SLC35F3: variants seen among roughly 807,000 people sequenced by gnomAD.
The protein encoded by SLC35F3 is solute carrier family 35 member F3, also known as putative thiamine transporter SLC35F3.
A neutral mutation model predicts 49.9 loss-of-function variants in SLC35F3; 25 were observed. That is an observed-to-expected ratio of 0.50 (90% CI 0.37 to 0.70). The LOEUF is 0.70. Ranked by LOEUF, SLC35F3 falls within the 30% of genes least tolerant of loss-of-function variation. The probability of loss-of-function intolerance (pLI) is 0.00; values close to 1 mark genes in which losing one functional copy is unlikely to be tolerated. For synonymous variants in SLC35F3, 275 were observed against 265.4 expected, an observed-to-expected ratio of 1.04 and a Z score of -0.35; for missense variants, 525 against 639.8, an observed-to-expected ratio of 0.82 and a Z score of 1.94.
intron 3 of SLC35F3, among the ~76,000 whole-genome samples, chr1:234,266,297 G>T (rs1000082166): frequency 6.6e-6 from 1 of 151,964 alleles, no homozygotes; most frequent in Admixed American, 6.5e-5. Context: ...ATGTAGAAAA[G>T]ACACAAATGG....
chr1:234,144,290 G>C (rs936808103), intron 2 of SLC35F3, among the ~76,000 whole-genome samples: 4 of 152,196 alleles, frequency 2.6e-5, no homozygotes, highest in Admixed American at 6.5e-5. Context: ...GCTGACTGCA[G>C]GGTGTCCTCA....
intron 3 of SLC35F3, among the ~76,000 whole-genome samples, chr1:234,265,346 G>GC (rs1553259548): frequency 6.6e-6 from 1 of 151,000 alleles, no homozygotes; most frequent in Non-Finnish European, 1.5e-5. Context: ...TTTTCTTTTT[G>GC]TTTTTTTGGT....
chr1:234,248,208 T>C (rs1163258858), intron 3 of SLC35F3, among the ~76,000 whole-genome samples: 1 of 151,978 alleles, frequency 6.6e-6, no homozygotes, highest in Non-Finnish European at 1.5e-5. Context: ...CATTGTTTGG[T>C]GGGTTGGTTG....
intron 2 of SLC35F3, among the ~76,000 whole-genome samples, chr1:234,195,800 G>A (rs184881338): frequency 4.6e-5 from 7 of 152,078 alleles, no homozygotes; most frequent in South Asian, 2.1e-4. Context: ...TCATGGGGGC[G>A]GTTTCCCCCA....
intron 2 of SLC35F3, among the ~76,000 whole-genome samples, chr1:233,907,555 A>G (rs1558174435): frequency 6.6e-6 from 1 of 152,202 alleles, no homozygotes; most frequent in Admixed American, 6.5e-5. Flanking sequence ...CACTCTCTCT[A>G]TTCCTGTGAG....
At chr1:234,042,216 A>G (rs1310468053) in intron 2 of SLC35F3, among the ~76,000 whole-genome samples, 1 of 152,204 alleles carries the variant, frequency 6.6e-6, no homozygotes, top group East Asian at 1.9e-4. Context: ...TGGACCTTCC[A>G]TGTGGATCAT....
intron 2 of SLC35F3, among the ~76,000 whole-genome samples, chr1:234,140,001 A>AAATAAAATAAAAAAAAT (rs1489476462): frequency 3.5e-5 from 5 of 142,218 alleles, no homozygotes; most frequent in African/African-American, 1.3e-4. Flanking sequence ...AAATAAAATA[A>AAATAAAATAAAAAAAAT]AGTAAGTGAC....
At chr1:233,959,478 A>G (rs192843390) in intron 2 of SLC35F3, among the ~76,000 whole-genome samples, 4 of 152,326 alleles carry the variant, frequency 2.6e-5, no homozygotes, top group Admixed American at 2.6e-4. Flanking sequence ...GAGGGTTAGC[A>G]GCAAACAATA....
At chr1:233,939,429 T>C (rs964036127) in intron 2 of SLC35F3, among the ~76,000 whole-genome samples, 3 of 152,206 alleles carry the variant, frequency 2.0e-5, no homozygotes, top group African/African-American at 7.2e-5. Context: ...CACTCCAGCC[T>C]GGGTGACAGA....
At chr1:233,942,272 T>G (rs1662439468) in intron 2 of SLC35F3, among the ~76,000 whole-genome samples, 1 of 151,828 alleles carries the variant, frequency 6.6e-6, no homozygotes, top group Non-Finnish European at 1.5e-5. Context: ...ACAGCCTCTT[T>G]TAAAGAAAGA....
At chr1:234,278,212 C>G (rs952566852) in intron 3 of SLC35F3, among the ~76,000 whole-genome samples, 1 of 151,312 alleles carries the variant, frequency 6.6e-6, no homozygotes, top group Non-Finnish European at 1.5e-5. Context: ...ATAAAAGGGC[C>G]GGGTGCGGTG....
chr1:234,212,057 A>G (rs929594706), intron 2 of SLC35F3, among the ~76,000 whole-genome samples: 3 of 151,916 alleles, frequency 2.0e-5, no homozygotes, highest in Admixed American at 6.5e-5. Flanking sequence ...CTGCACAAGC[A>G]CTCTCTTTGC....
chr1:234,124,919 C>T (rs1031444557), intron 2 of SLC35F3, among the ~76,000 whole-genome samples: 13 of 152,204 alleles, frequency 8.5e-5, no homozygotes, highest in African/African-American at 3.1e-4. Flanking sequence ...TATGTGTACA[C>T]GCATGTGTCC....
chr1:234,224,215 C>T (rs10910386), intron 2 of SLC35F3, among the ~76,000 whole-genome samples: 25,557 of 152,132 alleles, frequency 0.17, 3,880 homozygotes, highest in East Asian at 0.8. Flanking sequence ...TAGGCAAGCA[C>T]CACCATGCGC....
At position 234,289,408 on chromosome 1, in the gene SLC35F3, G is replaced by C. The variant is rs547517723; in HGVS notation, c.609-19693G>C. On this transcript the variant is annotated intron_variant, in intron 3 of 7. Coordinates refer to ENST00000366618, the MANE Select transcript of SLC35F3 (RefSeq NM_173508.4). The stretch of plus-strand genomic sequence containing the variant: ...CTACTAGAATTAACTACATATCCTG[G>C]GGCTGGGTTAAGTCTGTAGGCCTCC... Among the ~76,000 whole-genome samples, 4 of 152,266 alleles carry C rather than the reference G, an allele frequency of 2.6e-5. No homozygotes were observed. In the South Asian group the frequency reaches 8.3e-4, roughly 32 times the overall value.
intron 2 of SLC35F3, among the ~76,000 whole-genome samples, chr1:234,141,812 A>T (rs766210109): frequency 6.6e-6 from 1 of 151,634 alleles, no homozygotes; most frequent in Middle Eastern, 3.4e-3. Flanking sequence ...CTCCTTCTGT[A>T]TGCCCTTAGC....
At chr1:234,126,901 TGCTTAA>T (rs1419456507) in intron 2 of SLC35F3, among the ~76,000 whole-genome samples, 3 of 152,228 alleles carry the variant, frequency 2.0e-5, no homozygotes, top group African/African-American at 7.2e-5. Context: ...CTCACTATGT[TGCTTAA>T]GCTGGTCTCA....
chr1:234,034,697 A>G (rs1046112215), intron 2 of SLC35F3, among the ~76,000 whole-genome samples: 4 of 151,746 alleles, frequency 2.6e-5, no homozygotes, highest in South Asian at 2.1e-4. Flanking sequence ...ATTTTTTTGT[A>G]TTTTTGGTAG....
chr1:234,190,972 C>G (rs1303708531), intron 2 of SLC35F3, among the ~76,000 whole-genome samples: 1 of 152,156 alleles, frequency 6.6e-6, no homozygotes, highest in Non-Finnish European at 1.5e-5. Flanking sequence ...GAAAAGGGCT[C>G]CCTGCTTCTA....
Sources: gnomAD v4.1 joint callset for allele counts (sites outside exome capture counted in the v4.1 genomes callset) on GRCh38, gnomAD v4.1.1 for gene constraint, MANE v1.5 for transcripts, NCBI Gene and HGNC (gene_info 2026-07-23, HGNC 2026-07-21) for gene names.